The following RILPL2 variants were observed in gnomAD, a reference collection of about 807,000 sequenced individuals.
RILPL2 encodes the protein Rab interacting lysosomal protein like 2, also known as RILP-like protein 2.
In RILPL2, 19 loss-of-function variants were observed where a neutral mutation model predicts 22.2. That is an observed-to-expected ratio of 0.86 (90% confidence interval 0.60 to 1.25). The LOEUF (loss-of-function observed/expected upper bound fraction) is 1.25. Among genes scored for constraint, RILPL2 ranks in the 50% most tolerant of loss-of-function variants. The pLI is 0.00. For missense variants in RILPL2, 243 were observed against 263.6 expected, an observed-to-expected ratio of 0.92 and a Z score of 0.54; for synonymous variants, 123 against 111.6, an observed-to-expected ratio of 1.10 and a Z score of -0.64.
intron 2 of RILPL2, among the ~76,000 whole-genome samples, chr12:123,424,981 G>A (rs568322811): frequency 1.1e-4 from 16 of 151,768 alleles, no homozygotes; most frequent in East Asian, 7.8e-4. Flanking sequence ...CCGGGTTCAC[G>A]CCATTCTCCT....
the RILPL2 span, chr12:123,409,318 A>G: frequency 1.3e-5 from 2 of 152,624 alleles, no homozygotes; most frequent in African/African-American, 4.8e-5. Context: ...TGTCATCATA[A>G]AAATGAAACA....
chr12:123,422,475 C>T (rs1307012777), intron 3 of RILPL2, among the ~76,000 whole-genome samples: 3 of 152,188 alleles, frequency 2.0e-5, no homozygotes, highest in Non-Finnish European at 2.9e-5. Flanking sequence ...GAGATTGCAC[C>T]ACTGCACTCC....
rs914010782 is a variant in RILPL2, at chr12:123,415,339, A to T, written c.*552T>A. 1 of 158,524 alleles carries T rather than the reference A, an allele frequency of 6.3e-6. No homozygotes were observed. 9.8% of individuals were successfully genotyped at this position (158,524 alleles called of 1,614,324 possible). A position where few individuals can be genotyped will look rare whatever the true frequency, so the allele number is the denominator to read the frequency against. ...ATGTAGATATATGACATATACACAC[A>T]TATACCATGTGTACCATCGTAACTA... On this transcript the variant is annotated 3_prime_UTR_variant, in exon 4 of 4. Transcript: ENST00000280571.
rs1221566516 is a variant in RILPL2 at position 123,436,288 on chromosome 12, A to T, written c.133T>A (p.Ser45Thr). 6.2e-7 allele frequency: 1 copy of T among 1,604,644 alleles called. No homozygotes were observed. The highest frequency in any genetic ancestry group is 8.5e-7 in the Non-Finnish European group (1 of 1,176,014). ...ATAAGCTCGCGGCCCAACAGGTAGG[A>T]GATGTCATACACGTCCTCGGCGGTC... ...QLTAEDVYDI[S>T]YLLGRELMAL... The change falls in exon 1 of 4, where the codon TCC (serine) becomes ACC (threonine). Residue 45 changes from serine (S) to threonine (T), a missense_variant. Transcript: ENST00000280571. The surrounding 1 kb of genome is among the most constrained non-coding windows in gnomAD (Gnocchi z 6.7).
intron 3 of RILPL2, among the ~76,000 whole-genome samples, chr12:123,419,431 G>C (rs915602070): frequency 1.3e-5 from 2 of 152,076 alleles, no homozygotes; most frequent in African/African-American, 4.8e-5. Flanking sequence ...AGACATGAGG[G>C]AAGTATTCAG....
Position 123,423,104 on chromosome 12 carries a change from A to G in RILPL2, c.545T>C (p.Val182Ala), listed in dbSNP as rs1231596057. 1 of 1,613,676 alleles carries G rather than the reference A, an allele frequency of 6.2e-7. No homozygotes were observed. The highest frequency in any genetic ancestry group is 8.5e-7 in the Non-Finnish European group (1 of 1,179,886). Residue 182 changes from valine (V) to alanine (A), a missense_variant, in exon 3 of 4, where the codon GTG becomes GCG. Val to Ala is a moderately conservative substitution (Grantham distance 64). Coordinates refer to ENST00000280571, the MANE Select transcript of RILPL2 (RefSeq NM_145058.3). ...GPGGRREKDAVVTSAKNAGRN... is the reference protein window; with the variant it reads ...GPGGRREKDAAVTSAKNAGRN... ...GCCAGCATTTTTGGCACTAGTAACCACAGCATCTTTTTCTCTTCTTCCTCC... is the reference window on the plus strand; with the variant it reads ...GCCAGCATTTTTGGCACTAGTAACCGCAGCATCTTTTTCTCTTCTTCCTCC...
At chr12:123,433,548 G>T (rs1232202705) in intron 1 of RILPL2, among the ~76,000 whole-genome samples, 2 of 152,156 alleles carry the variant, frequency 1.3e-5, no homozygotes, top group Non-Finnish European at 2.9e-5. Flanking sequence ...CGAGTAGCTG[G>T]ATTACAAGCG....
chr12:123,436,513 A>G lies in RILPL2; in HGVS notation c.-93T>C, dbSNP rs1879809893. The G allele has an allele frequency of 2.0e-6, 3 of 1,483,934 alleles. No individual in the cohort carries two copies. Among genetic ancestry groups the G allele is most frequent in the African/African-American group, 2.8e-5 (2 of 72,016 alleles). The allele number at this position is 1,483,934 out of a possible 1,614,324, so 91.9% of individuals were successfully genotyped here. On this transcript the variant is annotated 5_prime_UTR_variant, in exon 1 of 4. Coordinates refer to ENST00000280571, the MANE Select transcript of RILPL2 (RefSeq NM_145058.3). This position sits in a 1 kb window ranked among gnomAD's most constrained non-coding sequence, Gnocchi z 6.7. ...CGGCACCCAAAACTTTCCGCTGGGC[A>G]GAGTCCCTACCTGCCCAATCAGCGC...
At chr12:123,415,957 A>C in intron 3 of RILPL2, 36 bp from the exon 4 acceptor site, 1 of 1,612,982 alleles carries the variant, frequency 6.2e-7, no homozygotes, top group South Asian at 1.1e-5. Context: ...GGGTAAGCAG[A>C]AGGAACAAAG....
intron 2 of RILPL2, among the ~76,000 whole-genome samples, chr12:123,425,217 C>T (rs1879409639): frequency 6.6e-6 from 1 of 151,836 alleles, no homozygotes; most frequent in East Asian, 1.9e-4. Flanking sequence ...ACTATTGTTG[C>T]CCAGGCTGGA....
At chr12:123,423,785 C>A (rs1269130720) in intron 2 of RILPL2, among the ~76,000 whole-genome samples, 3 of 152,008 alleles carry the variant, frequency 2.0e-5, no homozygotes, top group African/African-American at 7.2e-5. Flanking sequence ...CCCCGAGTAG[C>A]TGGGACTATA....
chr12:123,435,594 C>T (rs1879771605), intron 1 of RILPL2, among the ~76,000 whole-genome samples: 1 of 151,350 alleles, frequency 6.6e-6, no homozygotes, highest in Non-Finnish European at 1.5e-5. Flanking sequence ...AAAAAGTTAG[C>T]CAGGCATGGT....
At chr12:123,413,630 T>C (rs1187964957), downstream of RILPL2, 2 of 152,232 alleles carry the variant, frequency 1.3e-5, no homozygotes, top group African/African-American at 2.4e-5. Context: ...AGAACAAAGC[T>C]TCCACAATGC....
intron 2 of RILPL2, among the ~76,000 whole-genome samples, chr12:123,427,237 A>ACCTTCTC (rs1879467014): frequency 6.6e-6 from 1 of 152,024 alleles, no homozygotes; most frequent in Non-Finnish European, 1.5e-5. Context: ...GTTCTCCTTC[A>ACCTTCTC]CATGACCTCT....
chr12:123,422,639 T>A (rs2139238704), intron 3 of RILPL2, among the ~76,000 whole-genome samples: 1 of 152,204 alleles, frequency 6.6e-6, no homozygotes, highest in Non-Finnish European at 1.5e-5. Context: ...ACTGTTGAGA[T>A]TACAGGTGTG....
intron 2 of RILPL2, among the ~76,000 whole-genome samples, chr12:123,430,070 C>G (rs1040523626): frequency 1.5e-5 from 2 of 133,868 alleles, no homozygotes; most frequent in Admixed American, 1.7e-4. Flanking sequence ...GAGCCAAGAT[C>G]GCACCACTGG....
intron 3 of RILPL2, among the ~76,000 whole-genome samples, chr12:123,417,495 C>T (rs921822794): frequency 3.3e-5 from 5 of 152,092 alleles, no homozygotes; most frequent in Non-Finnish European, 4.4e-5. Flanking sequence ...AAAGAATCCA[C>T]GTGGCCCTGG....
At chr12:123,420,084 G>A (rs1338111449) in intron 3 of RILPL2, among the ~76,000 whole-genome samples, 4 of 149,750 alleles carry the variant, frequency 2.7e-5, no homozygotes, top group African/African-American at 9.9e-5. Flanking sequence ...GAGTGCAGTG[G>A]TGTGATCTTG....
chr12:123,417,285 T>A (rs1202662433), intron 3 of RILPL2, among the ~76,000 whole-genome samples: 1 of 147,438 alleles, frequency 6.8e-6, no homozygotes, highest in Non-Finnish European at 1.5e-5. Flanking sequence ...GGTGACAGAG[T>A]GAGACCCCAT....
Sources: gnomAD v4.1 joint callset for allele counts (sites outside exome capture counted in the v4.1 genomes callset) on GRCh38, gnomAD v4.1.1 for gene constraint, Gnocchi (gnomAD v3.1) non-coding constraint, MANE v1.5 for transcripts, NCBI Gene and HGNC (gene_info 2026-07-23, HGNC 2026-07-21) for gene names.